Variants in PPARGC1A observed in about 807,000 individuals in gnomAD.
The protein encoded by PPARGC1A is peroxisome proliferator-activated receptor gamma coactivator 1-alpha.
In PPARGC1A, 25 loss-of-function variants were observed where a neutral mutation model predicts 88.7. The ratio of observed to expected loss-of-function variants is 0.28; its 90% CI spans 0.21 to 0.39. PPARGC1A has a LOEUF of 0.39. Among genes scored for constraint, PPARGC1A ranks in the 10% least tolerant of loss-of-function variants. PPARGC1A has a pLI of 1.00. For synonymous variants in PPARGC1A, 363 were observed against 355.6 expected (o/e 1.02, Z -0.24); for missense variants, 880 against 968.7 (o/e 0.91, Z 1.22).
At chr4:23,913,301 GAGAGA>G in the PPARGC1A span, among the ~76,000 whole-genome samples, 5 of 136,690 alleles carry the variant, frequency 3.7e-5, no homozygotes, top group African/African-American at 1.4e-4. Context: ...GAGAGAGAGA[GAGAGA>G]GAAAGAGAAA....
the PPARGC1A span, among the ~76,000 whole-genome samples, chr4:24,019,489 C>T: frequency 2.0e-5 from 3 of 152,258 alleles, 1 homozygote; most frequent in African/African-American, 7.2e-5. Flanking sequence ...TTCTACTACC[C>T]TGAGGGTAAA....
intron 7 of PPARGC1A, 76 bp downstream of exon 7, chr4:23,824,204 C>T (rs1032893290): frequency 6.4e-6 from 8 of 1,248,726 alleles, no homozygotes; most frequent in African/African-American, 1.5e-5. Flanking sequence ...ATAGACAGTA[C>T]ACTCTGTTAT....
At chr4:24,470,648 C>T in the PPARGC1A span, among the ~76,000 whole-genome samples, 15 of 151,956 alleles carry the variant, frequency 9.9e-5, no homozygotes, top group Non-Finnish European at 2.1e-4. This position sits in a 1 kb window ranked among gnomAD's most constrained non-coding sequence, Gnocchi z 5.8. Flanking sequence ...TCACTCCGCG[C>T]GCCTGGGCTG....
At chr4:23,996,494 C>G in the PPARGC1A span, among the ~76,000 whole-genome samples, 4 of 152,142 alleles carry the variant, frequency 2.6e-5, no homozygotes, top group African/African-American at 9.7e-5. Flanking sequence ...CAGATCTGAT[C>G]AAAGCCTAAA....
At chr4:24,445,666 G>A in the PPARGC1A span, among the ~76,000 whole-genome samples, 1 of 152,176 alleles carries the variant, frequency 6.6e-6, no homozygotes, top group Non-Finnish European at 1.5e-5. Flanking sequence ...GACATGAAAA[G>A]CATCAGAAAA....
the PPARGC1A span, among the ~76,000 whole-genome samples, chr4:23,973,074 C>T: frequency 6.6e-6 from 1 of 152,190 alleles, no homozygotes; most frequent in South Asian, 2.1e-4. Context: ...TGTGGTCTTC[C>T]TGGGCTTGGG....
the PPARGC1A span, among the ~76,000 whole-genome samples, chr4:23,964,218 A>G: frequency 6.6e-6 from 1 of 152,206 alleles, no homozygotes; most frequent in Non-Finnish European, 1.5e-5. Context: ...CTCCATTTTT[A>G]CAGATGAGAA....
chr4:23,932,282 ATTAGTTCCTCGC>A, the PPARGC1A span, among the ~76,000 whole-genome samples: 1 of 151,088 alleles, frequency 6.6e-6, no homozygotes, highest in African/African-American at 2.4e-5. Context: ...AGTGGGACTA[ATTAGTTCCTCGC>A]TTAGTTCCTC....
the PPARGC1A span, among the ~76,000 whole-genome samples, chr4:23,962,817 C>G: frequency 2.2e-4 from 33 of 152,192 alleles, 1 homozygote; most frequent in African/African-American, 7.9e-4. Flanking sequence ...CTACTCTTAC[C>G]TGACCCCACA....
chr4:23,821,511 T>C (rs972908562), intron 7 of PPARGC1A, among the ~76,000 whole-genome samples: 2 of 151,862 alleles, frequency 1.3e-5, no homozygotes, highest in African/African-American at 2.4e-5. Context: ...AATAAATAAC[T>C]TCATATATGA....
chr4:24,154,648 A>T, the PPARGC1A span, among the ~76,000 whole-genome samples: 1 of 152,284 alleles, frequency 6.6e-6, no homozygotes, highest in Non-Finnish European at 1.5e-5. Flanking sequence ...CTCAGGCAAG[A>T]TGCTTCTAAG....
chr4:23,856,575 C>T (rs975591590), intron 2 of PPARGC1A, among the ~76,000 whole-genome samples: 3 of 152,160 alleles, frequency 2.0e-5, no homozygotes, highest in Admixed American at 6.5e-5. Context: ...ATGATAGCCA[C>T]TCAGCAAGTA....
At chr4:24,429,318 G>C in the PPARGC1A span, among the ~76,000 whole-genome samples, 1 of 151,978 alleles carries the variant, frequency 6.6e-6, no homozygotes, top group Non-Finnish European at 1.5e-5. Flanking sequence ...TATTTCCTGA[G>C]TTCTTTGGTA....
At chr4:24,462,556 C>T in the PPARGC1A span, among the ~76,000 whole-genome samples, 112 of 152,012 alleles carry the variant, frequency 7.4e-4, no homozygotes, top group African/African-American at 2.5e-3. Flanking sequence ...ACCTTGGCTA[C>T]GTTACTTCAT....
the PPARGC1A span, among the ~76,000 whole-genome samples, chr4:23,927,318 A>G: frequency 1.3e-5 from 2 of 152,232 alleles, no homozygotes; most frequent in African/African-American, 2.4e-5. Flanking sequence ...TTAAATTATT[A>G]TATGTCCAGG....
the PPARGC1A span, among the ~76,000 whole-genome samples, chr4:24,159,445 G>T: frequency 6.6e-6 from 1 of 151,878 alleles, no homozygotes; most frequent in Non-Finnish European, 1.5e-5. Context: ...TCCTGACCTC[G>T]TGATCTGCCT....
chr4:24,058,541 G>C, the PPARGC1A span, among the ~76,000 whole-genome samples: 1 of 152,122 alleles, frequency 6.6e-6, no homozygotes. Flanking sequence ...TTGATTTGTG[G>C]CCCCCTCCTC....
the PPARGC1A span, among the ~76,000 whole-genome samples, chr4:24,085,836 G>C: frequency 2.0e-5 from 3 of 152,272 alleles, no homozygotes; most frequent in South Asian, 2.1e-4. Flanking sequence ...TCTGGATCCA[G>C]GCTGCTTGGG....
intron 7 of PPARGC1A, among the ~76,000 whole-genome samples, chr4:23,823,326 T>C (rs1324974483): frequency 6.6e-6 from 1 of 151,982 alleles, no homozygotes; most frequent in African/African-American, 2.4e-5. Flanking sequence ...AATATATTAG[T>C]GTGGTTTATA....
Sources: allele counts gnomAD v4.1 joint callset (sites outside exome capture counted in the v4.1 genomes callset), GRCh38; gene constraint gnomAD v4.1.1; non-coding constraint Gnocchi (gnomAD v3.1); transcripts MANE v1.5; gene names NCBI Gene and HGNC (gene_info 2026-07-23, HGNC 2026-07-21).